The following CEP164 variants were observed in gnomAD, a reference collection of about 807,000 sequenced individuals.
CEP164 encodes centrosomal protein of 164 kDa.
In CEP164, 162 loss-of-function variants were observed where a neutral mutation model predicts 182.7. The observed-to-expected ratio is 0.89, with a 90% CI of 0.78 to 1.01. The LOEUF is 1.01. Ranked by LOEUF, CEP164 falls within the 50% of genes least tolerant of loss-of-function variation. CEP164 has a pLI of 0.00. For missense variants in CEP164, 1,735 were observed against 1,790.4 expected (o/e 0.97, Z 0.56); for synonymous variants, 661 against 690.0 (o/e 0.96, Z 0.66).
At chr11:117,395,872 A>T in intron 24 of CEP164, 150 bp downstream of exon 24, 2 of 1,223,712 alleles carry the variant, frequency 1.6e-6, no homozygotes, top group Non-Finnish European at 2.3e-6. Context: ...TTTTGTAGGG[A>T]GTTGGGGTTG....
Position 117,394,538 on chromosome 11 carries a change from C to T in CEP164, c.2760+45C>T, listed in dbSNP as rs1314202758. 1 of 1,606,636 alleles carries T rather than the reference C, an allele frequency of 6.2e-7. No homozygotes were observed. Among genetic ancestry groups the T allele is most frequent in the South Asian group, 1.1e-5 (1 of 89,948 alleles). On this transcript the variant is annotated intron_variant, in intron 21 of 32. Transcript: ENST00000278935. The surrounding 1 kb of genome is among the most constrained non-coding windows in gnomAD (Gnocchi z 4.0). ...GTGAGCCCACTGTGACCCCTCCATG[C>T]ACAGTAGGAAGGTGCTGGGAGCAGA...
chr11:117,359,071 A>G (rs926371211), intron 5 of CEP164, among the ~76,000 whole-genome samples: 14 of 151,992 alleles, frequency 9.2e-5, no homozygotes, highest in African/African-American at 3.4e-4. Flanking sequence ...TAGCCTCCTC[A>G]GTAGCTGGGA....
intron 11 of CEP164, among the ~76,000 whole-genome samples, chr11:117,377,567 T>C (rs117619191): frequency 0.011 from 1,702 of 152,296 alleles, 21 homozygotes; most frequent in Non-Finnish European, 0.018. Flanking sequence ...AGCCCCTTCA[T>C]GGGACAGAAC....
intron 3 of CEP164, among the ~76,000 whole-genome samples, chr11:117,339,278 A>G (rs2037701823): frequency 6.6e-6 from 1 of 152,162 alleles, no homozygotes; most frequent in Non-Finnish European, 1.5e-5. Flanking sequence ...TTGTTTACAG[A>G]AAAAGTTTGC....
At position 117,354,901 on chromosome 11, in the gene CEP164, G is replaced by C. The variant is rs1047084260; in HGVS notation, c.393+2913G>C. 9.7e-6 allele frequency: 12 copies of C among 1,232,376 alleles called. No homozygotes were observed. The East Asian group carries it at 5.1e-4, about 53-fold the overall frequency. The allele number at this position is 1,232,376 out of a possible 1,614,324, so 76.3% of individuals were successfully genotyped here. On this transcript the variant is annotated intron_variant, in intron 5 of 32. Transcript: ENST00000278935. ...TGTAAATCAGAAGTGCTTTGTCTTC[G>C]TTTTCTCTGCATGTTTATATACCCA...
chr11:117,338,479 C>G, intron 2 of CEP164, 87 bp from the exon 3 acceptor site: 1 of 949,740 alleles, frequency 1.1e-6, no homozygotes, highest in East Asian at 2.4e-5. Context: ...TGGTTTGACC[C>G]AGATGCTCCA....
rs191488031 is a variant in CEP164, at chr11:117,411,842, C to G, written c.4211C>G (p.Ala1404Gly). The G allele has an allele frequency of 6.2e-7, 1 of 1,614,148 alleles. No individual in the cohort carries two copies. Among genetic ancestry groups the G allele is most frequent in the African/African-American group, 1.3e-5 (1 of 75,046 alleles). ...LQHSHSQVPE[A>G]GSTTFQGIIE... ...CACTCCCATTCGCAAGTCCCTGAGG[C>G]GGGCAGCACCACCTTTCAGGGCATA... is the stretch of plus-strand genomic sequence containing the variant. Residue 1404 changes from alanine to glycine, a missense_variant, in exon 32 of 33, where the codon GCG (alanine) becomes GGG (glycine). Physicochemically the swap from Ala to Gly is moderately conservative, Grantham distance 60. Transcript: ENST00000278935. The surrounding 1 kb of genome is among the most constrained non-coding windows in gnomAD (Gnocchi z 4.4).
chr11:117,379,852 CTTTTTTT>C (rs58534321), intron 11 of CEP164, among the ~76,000 whole-genome samples: 10 of 116,918 alleles, frequency 8.6e-5, no homozygotes, highest in South Asian at 3.0e-4. Flanking sequence ...ATAGTTCTTC[CTTTTTTT>C]TTTTTTTTTT....
At chr11:117,337,985 G>GCCTT (rs751927129) in intron 2 of CEP164, among the ~76,000 whole-genome samples, 9 of 152,056 alleles carry the variant, frequency 5.9e-5, no homozygotes, top group South Asian at 2.1e-4. Flanking sequence ...ATTCTTGCCA[G>GCCTT]CCTTCCTTCC....
At chr11:117,390,709 A>T in intron 15 of CEP164, 68 bp from the exon 16 acceptor site, 1 of 1,596,030 alleles carries the variant, frequency 6.3e-7, no homozygotes, top group Non-Finnish European at 8.5e-7. Context: ...GCTGAGAGCC[A>T]TAGCTTATGA....
intron 1 of CEP164, 164 bp downstream of exon 1, chr11:117,328,068 G>C (rs1591909573): frequency 6.6e-6 from 1 of 152,310 alleles, no homozygotes; most frequent in Non-Finnish European, 1.5e-5. Context: ...GCACGCTCTC[G>C]AGCCAACGAG....
At chr11:117,395,939 TC>T (rs2045380012) in intron 24 of CEP164, 114 bp from the exon 25 acceptor site, 7 of 1,461,870 alleles carry the variant, frequency 4.8e-6, no homozygotes, top group Middle Eastern at 4.5e-4. Context: ...CCTGAGCCCT[TC>T]CTCAGGGACT....
chr11:117,330,985 G>A (rs1224813291), intron 1 of CEP164, among the ~76,000 whole-genome samples: 2 of 152,192 alleles, frequency 1.3e-5, no homozygotes, highest in Admixed American at 6.5e-5. Flanking sequence ...TTACCACTGC[G>A]TAATCAACTC....
At chr11:117,361,208 TAC>T (rs1385120744) in intron 5 of CEP164, among the ~76,000 whole-genome samples, 6 of 148,678 alleles carry the variant, frequency 4.0e-5, no homozygotes, top group Non-Finnish European at 7.4e-5. Flanking sequence ...GTGCTGGAAT[TAC>T]AGGCGTGAGC....
At chr11:117,399,757 T>TAAAAAA in intron 27 of CEP164, among the ~76,000 whole-genome samples, 1 of 152,312 alleles carries the variant, frequency 6.6e-6, no homozygotes, top group African/African-American at 2.4e-5. Context: ...TTTTTTTTTA[T>TAAAAAA]GTGTTTGTTG....
At chr11:117,387,434 A>T in intron 15 of CEP164, 22 bp downstream of exon 15, 3 of 1,611,156 alleles carry the variant, frequency 1.9e-6, no homozygotes, top group Non-Finnish European at 2.5e-6. Flanking sequence ...CCCCTTAGGC[A>T]TGCTTCCTGG....
In CEP164 at chr11:117,397,223, T is replaced by C. The variant is rs2045591121; in HGVS notation, c.3411T>C (p.His1137=). 1.2e-6 allele frequency: 2 copies of C among 1,614,228 alleles called. No homozygotes were observed. The highest frequency in any genetic ancestry group is 2.2e-5 in the East Asian group (1 of 44,884). The part of the protein sequence containing the change: ...RQTALKAAQQ[H]WRHELASAQE... ...CAGCTCTGAAAGCTGCCCAGCAGCA[T>C]TGGCGCCATGAGCTGGCCAGTGCGC... The change falls in exon 27 of 33, where the codon CAT becomes CAC. Residue 1137 remains histidine, a synonymous_variant. Coordinates refer to ENST00000278935, the MANE Select transcript of CEP164 (RefSeq NM_014956.5).
intron 1 of CEP164, among the ~76,000 whole-genome samples, chr11:117,335,399 T>C (rs1179226173): frequency 6.6e-6 from 1 of 152,014 alleles, no homozygotes; most frequent in Non-Finnish European, 1.5e-5. Context: ...GGGAACCATG[T>C]CTTGTGAGTC....
chr11:117,363,624 C>T lies in CEP164; in HGVS notation c.765+118C>T. 4 of 676,332 alleles carry T rather than the reference C, an allele frequency of 5.9e-6. No homozygotes were observed. In the South Asian group the frequency reaches 6.2e-5, roughly 11 times the overall value. 41.9% of individuals were successfully genotyped at this position (676,332 alleles called of 1,614,324 possible). ...GGAAAAAGAACCATTTTGTCCCAGT[C>T]CTTCCAGATGAGATTTCTGGGGTTT... On this transcript the variant is annotated intron_variant, in intron 8 of 32. Transcript: ENST00000278935.
Sources: allele counts gnomAD v4.1 joint callset (sites outside exome capture counted in the v4.1 genomes callset), GRCh38; gene constraint gnomAD v4.1.1; non-coding constraint Gnocchi (gnomAD v3.1); transcripts MANE v1.5; gene names NCBI Gene and HGNC (gene_info 2026-07-23, HGNC 2026-07-21).